Variants in AKR7A3 observed in about 807,000 individuals in gnomAD.
The protein encoded by AKR7A3 is aldo-keto reductase family 7 member A3.
AKR7A3 carries 37 observed loss-of-function variants against 32.5 expected under a neutral mutation model. That is an observed-to-expected ratio of 1.14 (90% CI 0.88 to 1.50). AKR7A3 has a LOEUF of 1.50. AKR7A3 is among the 40% of genes most tolerant of loss of function. AKR7A3 has a pLI of 0.00. For missense variants in AKR7A3, 412 were observed against 453.2 expected (o/e 0.91, Z 0.83); for synonymous variants, 177 against 188.4 (o/e 0.94, Z 0.50).
At chr1:19,284,340 A>T (rs1282186034) in intron 5 of AKR7A3, among the ~76,000 whole-genome samples, 1 of 151,976 alleles carries the variant, frequency 6.6e-6, no homozygotes, top group Non-Finnish European at 1.5e-5. Flanking sequence ...CTGAGGACTC[A>T]TCAGCCTGCT....
rs1249354439 is a variant in AKR7A3, at chr1:19,284,730, C to T, written c.660G>A (p.Val220=). 2 of 1,613,834 alleles carry T rather than the reference C, an allele frequency of 1.2e-6. No homozygotes were observed. Among genetic ancestry groups the T allele is most frequent in the Non-Finnish European group, 1.7e-6 (2 of 1,179,996 alleles). ...CCCAGGTATTCCCAAAGAAGCGGCC[C>T]ACGGGCTGTTTCCCATTCTTGTCCT... ...KYEDKNGKQP[V]GRFFGNTWAE... The change falls in exon 5 of 7, where the codon GTG becomes GTA. Residue 220 remains valine, a synonymous_variant. Transcript: ENST00000361640.
chr1:19,284,662 C>A (rs776491054), intron 5 of AKR7A3, 24 bp downstream of exon 5: 5 of 1,612,382 alleles, frequency 3.1e-6, no homozygotes, highest in East Asian at 2.2e-5. Context: ...CCCCAGCCAT[C>A]CACACCAAGC....
At position 19,285,308 on chromosome 1, in the gene AKR7A3, T is replaced by C. The variant is rs191835397; in HGVS notation, c.508-194A>G. 4.8e-3 allele frequency among the ~76,000 whole-genome samples: 736 copies of C among 152,098 alleles called. 25 individuals are homozygous for C. Among genetic ancestry groups the C allele is most frequent in the African/African-American group, 0.017 (717 of 41,336 alleles). On this transcript the variant is annotated intron_variant, in intron 3 of 6. Coordinates refer to ENST00000361640, the MANE Select transcript of AKR7A3 (RefSeq NM_012067.3). ...AATTCATTCATTCTGCCAACTTTCA[T>C]GAGCACCAACTATGGGCTGGTTGTC...
chr1:19,285,713 G>C (rs1393512634), intron 3 of AKR7A3, among the ~76,000 whole-genome samples, 175 bp downstream of exon 3: 1 of 151,594 alleles, frequency 6.6e-6, no homozygotes, highest in Non-Finnish European at 1.5e-5. Flanking sequence ...CAGATGCCCA[G>C]TGGCCAGCCT....
rs374260711 is a variant in AKR7A3 at position 19,288,745 on chromosome 1, C to T, written c.-36G>A. 2.8e-3 allele frequency: 3,982 copies of T among 1,426,536 alleles called. 59 individuals carry two copies. The East Asian group carries it at 0.035, about 13-fold the overall frequency. The allele number at this position is 1,426,536 out of a possible 1,614,324, so 88.4% of individuals were successfully genotyped here. A position where few individuals can be genotyped will look rare whatever the true frequency, so the allele number is the denominator to read the frequency against. ...ACGGGAGACTGTGACAGCCCAGGAG[C>T]CGCGCGCAGCGGTCGGAAGCACCAG... On this transcript the variant is annotated 5_prime_UTR_variant, in exon 1 of 7. Coordinates refer to ENST00000361640, the MANE Select transcript of AKR7A3 (RefSeq NM_012067.3).
intron 1 of AKR7A3, among the ~76,000 whole-genome samples, chr1:19,287,754 G>A (rs1447411968): frequency 2.6e-5 from 4 of 152,100 alleles, no homozygotes; most frequent in African/African-American, 4.8e-5. Flanking sequence ...CTTTCTTCAC[G>A]GGGTCCCTCC....
chr1:19,287,579 CTG>C (rs1435477844), intron 1 of AKR7A3, among the ~76,000 whole-genome samples: 1 of 151,952 alleles, frequency 6.6e-6, no homozygotes. Context: ...TGGCATCAGA[CTG>C]AGGGCGGCTC....
chr1:19,279,980 G>C (rs188643341), downstream of AKR7A3, among the ~76,000 whole-genome samples: 1 of 146,022 alleles, frequency 6.8e-6, no homozygotes, highest in African/African-American at 2.7e-5. Flanking sequence ...TTTTATGTGC[G>C]GCCCAAGACA....
chr1:19,282,932 C>T (rs1326700302), intron 6 of AKR7A3, 40 bp from the exon 7 acceptor site: 1 of 1,592,826 alleles, frequency 6.3e-7, no homozygotes, highest in Non-Finnish European at 8.6e-7. Context: ...TCTTCTGCTG[C>T]ACAGCGACTC....
rs745967274 is a variant in AKR7A3, at chr1:19,288,600, T to C, written c.110A>G (p.Glu37Gly). ...CGTGTCTATCTCGGTGTGGCCGCGCTCCAGGAAGGCGCGCGTGACTGCGGC... is the reference window on the plus strand; with the variant it reads ...CGTGTCTATCTCGGTGTGGCCGCGCCCCAGGAAGGCGCGCGTGACTGCGGC... ...TSAAVTRAFL[E>G]RGHTEIDTAF... Residue 37 changes from glutamate (E) to glycine (G), a missense_variant, in exon 1 of 7, where the codon GAG becomes GGG. Glu to Gly is a moderately conservative substitution (Grantham distance 98). Transcript: ENST00000361640. 6.3e-7 allele frequency: 1 copy of C among 1,599,680 alleles called. No individual in the cohort carries two copies. The highest frequency in any genetic ancestry group is 1.1e-5 in the South Asian group (1 of 89,258).
chr1:19,275,233 G>A, the AKR7A3 span, among the ~76,000 whole-genome samples: 1 of 151,502 alleles, frequency 6.6e-6, no homozygotes, highest in African/African-American at 2.4e-5. Context: ...CTAACATGGA[G>A]AAACCCCATC....
At position 19,284,137 on chromosome 1, in the gene AKR7A3, G is replaced by A. The variant is rs763958435; in HGVS notation, c.705-12C>T. ...GCTCCTTCCAGTAGCTGGGAAGGGG[G>A]GACGGTGGCACAGGTGTCAGGGCCA... On this transcript the variant is annotated splice_polypyrimidine_tract_variant and intron_variant, in intron 5 of 6. Coordinates refer to ENST00000361640, the MANE Select transcript of AKR7A3 (RefSeq NM_012067.3). 3 of 1,604,874 alleles carry A rather than the reference G, an allele frequency of 1.9e-6. No homozygotes were observed. Among genetic ancestry groups the A allele is most frequent in the South Asian group, 1.1e-5 (1 of 90,022 alleles).
At position 19,282,594 on chromosome 1, in the gene AKR7A3, G is replaced by C; in HGVS notation, c.*137C>G. 1.4e-6 allele frequency: 2 copies of C among 1,409,102 alleles called. No homozygotes were observed. The highest frequency in any genetic ancestry group is 9.8e-7 in the Non-Finnish European group (1 of 1,024,986). The allele number at this position is 1,409,102 out of a possible 1,614,324, so 87.3% of individuals were successfully genotyped here. ...ACCCTGGGAGTTTTATTCTTCATTT[G>C]GTGGTGACTCTTCTATTAGGTTTTT... On this transcript the variant is annotated 3_prime_UTR_variant, in exon 7 of 7. Transcript: ENST00000361640.
intron 5 of AKR7A3, among the ~76,000 whole-genome samples, chr1:19,284,403 C>G (rs1396648794): frequency 1.3e-5 from 2 of 151,920 alleles, no homozygotes; most frequent in Non-Finnish European, 2.9e-5. Flanking sequence ...GACTCAGCCC[C>G]AGGCCTCCTG....
chr1:19,275,614 C>A, the AKR7A3 span, among the ~76,000 whole-genome samples: 2 of 151,702 alleles, frequency 1.3e-5, no homozygotes, highest in South Asian at 2.1e-4. Context: ...CCAGCCTGGG[C>A]AACACAGAGA....
At chr1:19,274,237 G>A in the AKR7A3 span, 5 of 1,327,236 alleles carry the variant, frequency 3.8e-6, no homozygotes, top group Non-Finnish European at 4.8e-6. Flanking sequence ...CCGCCCACGC[G>A]CTGGACTCCG....
chr1:19,285,046 C>A lies in AKR7A3; in HGVS notation c.576G>T (p.Leu192=), dbSNP rs1220200109. The change falls in exon 4 of 7, where the codon CTG becomes CTT. Residue 192 remains leucine (L), a synonymous_variant. Transcript: ENST00000361640. ...CCAGAGGGTTGAAGGCATAGAACCT[C>A]AGTCCAAAGTGCCTGAGGCAGGGGA... ...ELFPCLRHFG[L]RFYAFNPLAG... is the part of the protein sequence containing the mutation. 6.2e-7 allele frequency: 1 copy of A among 1,613,160 alleles called. No individual in the cohort carries two copies. The highest frequency in any genetic ancestry group is 8.5e-7 in the Non-Finnish European group (1 of 1,179,870).
chr1:19,284,723 A>T lies in AKR7A3; in HGVS notation c.667T>A (p.Phe223Ile). 2 of 1,613,816 alleles carry T rather than the reference A, an allele frequency of 1.2e-6. No homozygotes were observed. The highest frequency in any genetic ancestry group is 1.7e-6 in the Non-Finnish European group (2 of 1,179,992). ...ATCTCTGCCCAGGTATTCCCAAAGAAGCGGCCCACGGGCTGTTTCCCATTC... is the reference window on the plus strand; with the variant it reads ...ATCTCTGCCCAGGTATTCCCAAAGATGCGGCCCACGGGCTGTTTCCCATTC... ...DKNGKQPVGR[F>I]FGNTWAEMYR... Residue 223 changes from phenylalanine to isoleucine, a missense_variant, in exon 5 of 7, where the codon TTC (phenylalanine) becomes ATC (isoleucine). Phe to Ile is a conservative substitution (Grantham distance 21, BLOSUM62 0). Coordinates refer to ENST00000361640, the MANE Select transcript of AKR7A3 (RefSeq NM_012067.3).
At chr1:19,276,576 C>T in the AKR7A3 span, among the ~76,000 whole-genome samples, 9 of 150,648 alleles carry the variant, frequency 6.0e-5, no homozygotes, top group African/African-American at 2.0e-4. Context: ...CTGAGGCAGG[C>T]AGATCACTTG....
Sources: allele counts gnomAD v4.1 joint callset (sites outside exome capture counted in the v4.1 genomes callset), GRCh38; gene constraint gnomAD v4.1.1; transcripts MANE v1.5; gene names NCBI Gene and HGNC (gene_info 2026-07-23, HGNC 2026-07-21).